ELOVL7: variants seen among roughly 807,000 people sequenced by gnomAD.
ELOVL7 encodes ELOVL fatty acid elongase 7, also known as very long chain fatty acid elongase 7.
A neutral mutation model predicts 35.7 loss-of-function variants in ELOVL7; 27 were observed. That is an observed-to-expected ratio of 0.76 (90% confidence interval 0.56 to 1.04). ELOVL7 has a LOEUF of 1.04. Among genes scored for constraint, ELOVL7 ranks in the 50% least tolerant of loss-of-function variants. ELOVL7 has a pLI of 0.00. For missense variants in ELOVL7, 327 were observed against 340.8 expected (o/e 0.96, Z 0.32); for synonymous variants, 113 against 114.6 (o/e 0.99, Z 0.09).
chr5:60,809,973 CT>C (rs1745151631), intron 1 of ELOVL7, among the ~76,000 whole-genome samples: 1 of 152,134 alleles, frequency 6.6e-6, no homozygotes, highest in Non-Finnish European at 1.5e-5. Flanking sequence ...ACTCAGGTTC[CT>C]GAATTCTTCT....
intron 3 of ELOVL7, among the ~76,000 whole-genome samples, chr5:60,780,710 A>C (rs903056939): frequency 1.6e-4 from 25 of 152,310 alleles, no homozygotes; most frequent in Admixed American, 1.6e-3. Context: ...AATGAGTGCC[A>C]GCAGGGGAAA....
chr5:60,808,573 A>G (rs1466749163), intron 1 of ELOVL7, among the ~76,000 whole-genome samples: 2 of 152,222 alleles, frequency 1.3e-5, no homozygotes, highest in East Asian at 1.9e-4. Context: ...CACAATTCCT[A>G]TTAAAATCCC....
intron 2 of ELOVL7, among the ~76,000 whole-genome samples, chr5:60,793,882 T>G (rs576609742): frequency 1.3e-5 from 2 of 152,224 alleles, no homozygotes; most frequent in South Asian, 4.2e-4. Context: ...ATGAAGACAT[T>G]GAGAGGTTGA....
rs928642308 is a variant in ELOVL7 at position 60,764,395 on chromosome 5, A to T, written c.394-63T>A. 15 of 1,292,666 alleles carry T rather than the reference A, an allele frequency of 1.2e-5. No homozygotes were observed. The African/African-American group carries it at 1.9e-4, about 17-fold the overall frequency. The allele number at this position is 1,292,666 out of a possible 1,614,324, so 80.1% of individuals were successfully genotyped here. On this transcript the variant is annotated intron_variant, in intron 6 of 8. Coordinates refer to ENST00000508821, the MANE Select transcript of ELOVL7 (RefSeq NM_024930.3). ...CATTTGATAGTGTATTGAGTATTAT[A>T]AAAAATATTGGCAAAGTGCAAAGTA...
chr5:60,842,613 A>T (rs1206639557), intron 1 of ELOVL7, among the ~76,000 whole-genome samples: 1 of 152,152 alleles, frequency 6.6e-6, no homozygotes, highest in African/African-American at 2.4e-5. Flanking sequence ...TGCCTGAAAC[A>T]GCACGGGACT....
intron 1 of ELOVL7, among the ~76,000 whole-genome samples, chr5:60,808,542 C>T (rs977284161): frequency 9.2e-5 from 14 of 152,114 alleles, no homozygotes; most frequent in African/African-American, 3.4e-4. Flanking sequence ...GTTAAGATAT[C>T]AATTCTCTTA....
intron 3 of ELOVL7, among the ~76,000 whole-genome samples, chr5:60,782,493 C>CA (rs1743316023): frequency 6.6e-6 from 1 of 152,204 alleles, no homozygotes; most frequent in South Asian, 2.1e-4. Context: ...GATGTGGAAT[C>CA]AACCTAAGTG....
At chr5:60,842,674 G>A (rs960812685) in intron 1 of ELOVL7, among the ~76,000 whole-genome samples, 25 of 152,168 alleles carry the variant, frequency 1.6e-4, no homozygotes, top group African/African-American at 4.8e-4. Flanking sequence ...GTGTAGGACA[G>A]TGGTTAACAG....
chr5:60,785,837 A>G (rs573942161), intron 3 of ELOVL7: 1 of 152,376 alleles, frequency 6.6e-6, no homozygotes, highest in East Asian at 1.9e-4. Context: ...GAACCTTGGC[A>G]TTCCTCAAAG....
intron 8 of ELOVL7, among the ~76,000 whole-genome samples, chr5:60,755,139 T>G (rs532226800): frequency 2.0e-5 from 3 of 152,232 alleles, no homozygotes; most frequent in Non-Finnish European, 4.4e-5. Context: ...AGGTTTTCTC[T>G]AACAGTCTCT....
intron 3 of ELOVL7, among the ~76,000 whole-genome samples, chr5:60,772,845 C>A (rs558655233): frequency 1.3e-5 from 2 of 152,208 alleles, no homozygotes; most frequent in South Asian, 2.1e-4. Context: ...TCCATACATG[C>A]TTTTATATAT....
intron 1 of ELOVL7, among the ~76,000 whole-genome samples, chr5:60,836,425 A>C (rs575773811): frequency 6.6e-6 from 1 of 152,170 alleles, no homozygotes; most frequent in East Asian, 1.9e-4. Context: ...TGAAGCTATC[A>C]GCTGTGCTTT....
intron 1 of ELOVL7, among the ~76,000 whole-genome samples, chr5:60,808,191 G>C (rs913251275): frequency 2.7e-5 from 4 of 150,644 alleles, no homozygotes; most frequent in Non-Finnish European, 4.4e-5. Flanking sequence ...AATGATAAAG[G>C]TTAAACTAAT....
chr5:60,762,928 T>C (rs1344790798), intron 7 of ELOVL7, among the ~76,000 whole-genome samples: 2 of 152,150 alleles, frequency 1.3e-5, no homozygotes, highest in Non-Finnish European at 2.9e-5. Context: ...CACCAATAAG[T>C]GTCAATGTAT....
At chr5:60,790,064 G>T (rs1340954287) in intron 2 of ELOVL7, among the ~76,000 whole-genome samples, 1 of 152,062 alleles carries the variant, frequency 6.6e-6, no homozygotes, top group Admixed American at 6.5e-5. Context: ...TTGAACCTGG[G>T]AGGCAGAGGT....
At chr5:60,778,446 G>A (rs1743043168) in intron 3 of ELOVL7, among the ~76,000 whole-genome samples, 1 of 152,168 alleles carries the variant, frequency 6.6e-6, no homozygotes, top group South Asian at 2.1e-4. Context: ...AGTTCTGCAT[G>A]GCCTGGGAGA....
At chr5:60,819,654 C>T (rs779294227) in intron 1 of ELOVL7, among the ~76,000 whole-genome samples, 7 of 152,094 alleles carry the variant, frequency 4.6e-5, no homozygotes, top group African/African-American at 9.7e-5. Flanking sequence ...TGGTGGCAGG[C>T]GGGCGCCTGT....
chr5:60,821,518 G>T (rs377248962), intron 1 of ELOVL7, among the ~76,000 whole-genome samples: 61 of 152,240 alleles, frequency 4.0e-4, no homozygotes, highest in African/African-American at 1.3e-3. Context: ...TTGTTCGGCT[G>T]GCTGGGAAGC....
At chr5:60,828,767 C>T (rs981575718) in intron 1 of ELOVL7, among the ~76,000 whole-genome samples, 4 of 152,070 alleles carry the variant, frequency 2.6e-5, no homozygotes, top group Non-Finnish European at 5.9e-5. Context: ...ATAAGTTACT[C>T]GTATTGTTTT....
Sources: allele counts gnomAD v4.1 joint callset (sites outside exome capture counted in the v4.1 genomes callset), GRCh38; gene constraint gnomAD v4.1.1; transcripts MANE v1.5; gene names NCBI Gene and HGNC (gene_info 2026-07-23, HGNC 2026-07-21).